UNC5D: variants seen among roughly 807,000 people sequenced by gnomAD.
UNC5D encodes unc-5 netrin receptor D, also known as netrin receptor UNC5D.
In UNC5D, 39 loss-of-function variants were observed where a neutral mutation model predicts 105.4. That is an observed-to-expected ratio of 0.37 (90% CI 0.29 to 0.48). UNC5D has a LOEUF of 0.48. Among genes scored for constraint, UNC5D ranks in the 20% least tolerant of loss-of-function variants. The probability of loss-of-function intolerance (pLI) is 0.98; values close to 1 mark genes in which losing one functional copy is unlikely to be tolerated. For missense variants in UNC5D, 991 were observed against 1,202.4 expected (o/e 0.82, Z 2.60); for synonymous variants, 452 against 450.4 (o/e 1.00, Z -0.04).
intron 1 of UNC5D, among the ~76,000 whole-genome samples, chr8:35,481,180 G>A (rs1211329609): frequency 6.6e-6 from 1 of 152,214 alleles, no homozygotes; most frequent in Non-Finnish European, 1.5e-5. Flanking sequence ...CCTACCAGAA[G>A]AGGGGATTGA....
intron 2 of UNC5D, among the ~76,000 whole-genome samples, chr8:35,559,081 T>G (rs573006634): frequency 6.6e-6 from 1 of 152,348 alleles, no homozygotes; most frequent in African/African-American, 2.4e-5. Context: ...CATGAAGTTG[T>G]ACTGGAGTAA....
chr8:35,471,546 AG>A (rs1397023082), intron 1 of UNC5D, among the ~76,000 whole-genome samples: 3 of 152,238 alleles, frequency 2.0e-5, no homozygotes, highest in Non-Finnish European at 4.4e-5. Context: ...TGGACCTTAA[AG>A]AAATTAATAC....
chr8:35,650,989 C>T (rs1823370225), intron 4 of UNC5D, among the ~76,000 whole-genome samples: 1 of 152,132 alleles, frequency 6.6e-6, no homozygotes, highest in Non-Finnish European at 1.5e-5. Flanking sequence ...GATCTGTGGT[C>T]ATGTGACAGG....
chr8:35,374,622 T>C (rs1802593790), intron 1 of UNC5D, among the ~76,000 whole-genome samples: 1 of 152,190 alleles, frequency 6.6e-6, no homozygotes, highest in African/African-American at 2.4e-5. Context: ...AAATGCTTAT[T>C]TGTTACTGTC....
At chr8:35,343,123 G>A (rs191607137) in intron 1 of UNC5D, among the ~76,000 whole-genome samples, 6 of 152,116 alleles carry the variant, frequency 3.9e-5, no homozygotes, top group Admixed American at 6.5e-5. Context: ...TGACACTGCT[G>A]GTCTGGGGAC....
chr8:35,304,924 A>ATTACAT (rs1204728742), intron 1 of UNC5D, among the ~76,000 whole-genome samples: 97 of 152,264 alleles, frequency 6.4e-4, no homozygotes, highest in Admixed American at 1.1e-3. Context: ...TAATGTAATC[A>ATTACAT]GCTATGAACA....
intron 3 of UNC5D, among the ~76,000 whole-genome samples, chr8:35,575,866 G>A (rs779455052): frequency 5.3e-5 from 8 of 151,864 alleles, no homozygotes; most frequent in Non-Finnish European, 7.4e-5. Flanking sequence ...CCAAGTAATC[G>A]CATCTAGCCC....
intron 1 of UNC5D, among the ~76,000 whole-genome samples, chr8:35,470,951 G>A (rs1287814664): frequency 6.6e-6 from 1 of 152,048 alleles, no homozygotes; most frequent in Non-Finnish European, 1.5e-5. Flanking sequence ...ACTGTTTGGG[G>A]TTGAGTTCCC....
intron 1 of UNC5D, among the ~76,000 whole-genome samples, chr8:35,344,292 C>T (rs1811655103): frequency 6.6e-6 from 1 of 152,060 alleles, no homozygotes; most frequent in South Asian, 2.1e-4. Flanking sequence ...ACTTTCCACA[C>T]ACAAAGGAAT....
chr8:35,558,566 G>A (rs909576857), intron 2 of UNC5D, among the ~76,000 whole-genome samples: 1 of 152,158 alleles, frequency 6.6e-6, no homozygotes, highest in African/African-American at 2.4e-5. Flanking sequence ...CCTTATATAA[G>A]TGGAAGACTC....
chr8:35,460,887 CTATT>C (rs544012508), intron 1 of UNC5D, among the ~76,000 whole-genome samples: 13 of 152,330 alleles, frequency 8.5e-5, no homozygotes, highest in African/African-American at 4.8e-5. Context: ...GTGAATTACT[CTATT>C]TATGTTTTTC....
chr8:35,493,970 C>A (rs1002506943), intron 1 of UNC5D, among the ~76,000 whole-genome samples: 2 of 151,902 alleles, frequency 1.3e-5, no homozygotes, highest in Non-Finnish European at 2.9e-5. Flanking sequence ...TTAAAATAAC[C>A]AATATTTGGA....
intron 8 of UNC5D, among the ~76,000 whole-genome samples, chr8:35,710,498 C>T (rs566641851): frequency 7.2e-5 from 11 of 152,064 alleles, no homozygotes; most frequent in South Asian, 6.2e-4. Context: ...AGTAGACAGC[C>T]GACGTTGGCC....
At chr8:35,604,948 A>AT (rs1170656230) in intron 4 of UNC5D, among the ~76,000 whole-genome samples, 6 of 151,660 alleles carry the variant, frequency 4.0e-5, no homozygotes, top group Non-Finnish European at 8.8e-5. Context: ...CATTTGTCTA[A>AT]TTTTTTTTCA....
chr8:35,586,382 G>A (rs963928105), intron 3 of UNC5D, among the ~76,000 whole-genome samples: 21 of 152,252 alleles, frequency 1.4e-4, no homozygotes, highest in Admixed American at 2.6e-4. Flanking sequence ...ATCACAATGA[G>A]GAAAAAATTC....
At chr8:35,312,511 C>T (rs1808970767) in intron 1 of UNC5D, among the ~76,000 whole-genome samples, 1 of 152,152 alleles carries the variant, frequency 6.6e-6, no homozygotes, top group Non-Finnish European at 1.5e-5. Flanking sequence ...GGTAGTTTAG[C>T]TTCATCTGTC....
At chr8:35,657,078 G>GTGTGTATATATATATATATATATATGTA (rs1823801558) in intron 4 of UNC5D, among the ~76,000 whole-genome samples, 1 of 80,572 alleles carries the variant, frequency 1.2e-5, no homozygotes, top group African/African-American at 5.8e-5. Context: ...GTGTGTGTGT[G>GTGTGTATATATATATATATATATATGTA]TGTATATATA....
intron 8 of UNC5D, among the ~76,000 whole-genome samples, chr8:35,715,747 A>G (rs1828218189): frequency 6.6e-6 from 1 of 152,078 alleles, no homozygotes; most frequent in South Asian, 2.1e-4. Context: ...ACCAAAAGAG[A>G]ATAATGAATG....
chr8:35,594,031 T>G (rs1285816852), intron 3 of UNC5D, among the ~76,000 whole-genome samples: 2 of 152,174 alleles, frequency 1.3e-5, no homozygotes, highest in Non-Finnish European at 2.9e-5. Context: ...ATACTTGGAG[T>G]CAGAAGTCCT....
Sources: allele counts gnomAD v4.1 joint callset (sites outside exome capture counted in the v4.1 genomes callset), GRCh38; gene constraint gnomAD v4.1.1; transcripts MANE v1.5; gene names NCBI Gene and HGNC (gene_info 2026-07-23, HGNC 2026-07-21).